NLRP11: variants seen among roughly 807,000 people sequenced by gnomAD.
The protein encoded by NLRP11 is NLR family pyrin domain containing 11.
NLRP11 carries 53 observed loss-of-function variants against 79.3 expected under a neutral mutation model. That is an observed-to-expected ratio of 0.67 (90% CI 0.54 to 0.84). NLRP11 has a LOEUF of 0.84. Ranked by LOEUF, NLRP11 falls within the 40% of genes least tolerant of loss-of-function variation. The pLI, the probability that NLRP11 is intolerant of heterozygous loss-of-function variation, is 0.00. For synonymous variants in NLRP11, 518 were observed against 462.6 expected (o/e 1.12, Z -1.54); for missense variants, 1,264 against 1,255.0 (o/e 1.01, Z -0.11).
chr19:55,799,360 C>T (rs1979252099), intron 5 of NLRP11, among the ~76,000 whole-genome samples: 1 of 152,144 alleles, frequency 6.6e-6, no homozygotes, highest in Non-Finnish European at 1.5e-5. Context: ...GTCTTCATCA[C>T]ATAGAGGCTA....
Position 55,796,066 on chromosome 19 carries a change from C to G in NLRP11, c.2342+14G>C. 6.2e-7 allele frequency: 1 copy of G among 1,602,538 alleles called. No homozygotes were observed. The highest frequency in any genetic ancestry group is 8.5e-7 in the Non-Finnish European group (1 of 1,170,424). On this transcript the variant is annotated intron_variant, in intron 6 of 9. Coordinates refer to ENST00000589093, the Ensembl canonical transcript of NLRP11. ...CTGAGCTTCTACGTGGTGAGCTCGTCTAAGCCAACTTACACCAGTGATATA... is the reference window on the plus strand; with the variant it reads ...CTGAGCTTCTACGTGGTGAGCTCGTGTAAGCCAACTTACACCAGTGATATA...
chr19:55,833,874 G>T (rs1568649538), upstream of NLRP11, among the ~76,000 whole-genome samples: 1 of 150,996 alleles, frequency 6.6e-6, no homozygotes, highest in Non-Finnish European at 1.5e-5. Context: ...CGAAAAGCTG[G>T]TTTATAACAG....
At chr19:55,797,323 G>A (rs10402767) in intron 5 of NLRP11, among the ~76,000 whole-genome samples, 35,838 of 151,884 alleles carry the variant, frequency 0.24, 4,288 homozygotes, top group East Asian at 0.31. Flanking sequence ...AAAATAAGTA[G>A]AATAAAAATA....
chr19:55,822,025 G>A (rs951802949), intron 1 of NLRP11, among the ~76,000 whole-genome samples: 4 of 152,206 alleles, frequency 2.6e-5, no homozygotes, highest in African/African-American at 7.2e-5. Flanking sequence ...TTGGGAGGCC[G>A]AGGTGGGTGG....
At position 55,817,893 on chromosome 19, in the gene NLRP11, A is replaced by G; in HGVS notation, c.271+11T>C. 2 of 1,593,322 alleles carry G rather than the reference A, an allele frequency of 1.3e-6. No individual in the cohort carries two copies. The highest frequency in any genetic ancestry group is 1.7e-6 in the Non-Finnish European group (2 of 1,166,490). On this transcript the variant is annotated intron_variant, in intron 2 of 9. Transcript: ENST00000589093. The stretch of plus-strand genomic sequence containing the variant: ...CTGATTTCTGCCCACCCTTCTCGTG[A>G]CCCCACTCACGGTTTCGTCTGCCAA...
intron 9 of NLRP11, among the ~76,000 whole-genome samples, chr19:55,786,205 C>T (rs1219180805): frequency 1.3e-5 from 2 of 152,208 alleles, no homozygotes; most frequent in African/African-American, 4.8e-5. Context: ...GGTTCCAATA[C>T]TGAGGGTCAA....
At chr19:55,827,729 C>A (rs911609460) in intron 1 of NLRP11, among the ~76,000 whole-genome samples, 8 of 151,674 alleles carry the variant, frequency 5.3e-5, no homozygotes, top group Non-Finnish European at 1.0e-4. Flanking sequence ...CCATCTCACA[C>A]CAGTTAGAAT....
rs759781629 is a variant in NLRP11 at position 55,809,035 on chromosome 19, C to T, written c.1575G>A (p.Ser525=). The change falls in exon 3 of 10, where the codon TCG becomes TCA. Residue 525 remains serine (S), a synonymous_variant. Coordinates refer to ENST00000589093, the Ensembl canonical transcript of NLRP11. This position sits in a 1 kb window ranked among gnomAD's most constrained non-coding sequence, Gnocchi z 4.5. ...GGTCCAAATGTTTCATGTATCCCAC[C>T]GAGTACCACTTGAAGCTGTCTACCA... The T allele has an allele frequency of 4.3e-6, 7 of 1,613,958 alleles. No individual in the cohort carries two copies. Among genetic ancestry groups the T allele is most frequent in the African/African-American group, 4.0e-5 (3 of 74,904 alleles).
rs1555803816 is a variant in NLRP11, at chr19:55,817,820, G to GGAAAAAAAAAAAA, written c.271+83_271+84insTTTTTTTTTTTTC. The GGAAAAAAAAAAAA allele has an allele frequency of 7.2e-6, 6 of 836,784 alleles. 2 individuals carry two copies. In the African/African-American group the frequency reaches 7.8e-5, roughly 11 times the overall value. The allele number at this position is 836,784 out of a possible 1,614,324, so 51.8% of individuals were successfully genotyped here. A position where few individuals can be genotyped will look rare whatever the true frequency, so the allele number is the denominator to read the frequency against. On this transcript the variant is annotated intron_variant, in intron 2 of 9. Coordinates refer to ENST00000589093, the Ensembl canonical transcript of NLRP11. ...CACCTGCTTCCCAGAAACCTATTTA[G>GGAAAAAAAAAAAA]AAAAAAAAAAAAAAAAAGGCCCAAC...
Position 55,818,121 on chromosome 19 carries a change from G to T in NLRP11, c.54C>A (p.Leu18=), listed in dbSNP as rs748428956. The T allele has an allele frequency of 1.9e-6, 3 of 1,613,866 alleles. No homozygotes were observed. In the Admixed American group the frequency reaches 5.0e-5, roughly 27 times the overall value. Reference sequence around the variant, plus strand: ...TAAAACTCTGAAATTCCTTGTCACTGAGATTCTCTAGATACCACAGCAGGT... The same window carrying T: ...TAAAACTCTGAAATTCCTTGTCACTTAGATTCTCTAGATACCACAGCAGGT... The change falls in exon 2 of 10, where the codon CTC becomes CTA. Residue 18 remains leucine (L), a synonymous_variant. Transcript: ENST00000589093.
intron 1 of NLRP11, among the ~76,000 whole-genome samples, chr19:55,820,518 A>G (rs1981588564): frequency 6.6e-6 from 1 of 152,102 alleles, no homozygotes; most frequent in African/African-American, 2.4e-5. Context: ...CTGAGGAGGA[A>G]AGGGGAAGCA....
chr19:55,785,497 A>T lies in NLRP11; in HGVS notation c.*128T>A, dbSNP rs1254169436. 3.8e-3 allele frequency: 398 copies of T among 103,650 alleles called. 2 individuals are homozygous for T. The highest frequency in any genetic ancestry group is 0.024 in the African/African-American group (361 of 14,808). The allele number at this position is 103,650 out of a possible 1,614,324, so 6.4% of individuals were successfully genotyped here. ...AAGTGGTTGACTGGATCAAGGTCAC[A>T]CACACACACACACACACACACACAC... On this transcript the variant is annotated 3_prime_UTR_variant, in exon 10 of 10. Coordinates refer to ENST00000589093, the Ensembl canonical transcript of NLRP11.
At chr19:55,798,077 G>T (rs1024320274) in intron 5 of NLRP11, among the ~76,000 whole-genome samples, 1 of 149,796 alleles carries the variant, frequency 6.7e-6, no homozygotes, top group African/African-American at 2.5e-5. Context: ...TCGGCTCACC[G>T]CAACCTCCGC....
At chr19:55,785,659 C>G in exon 10 of NLRP11, 1 of 1,614,052 alleles carries the variant, frequency 6.2e-7, no homozygotes, top group African/African-American at 1.3e-5. Flanking sequence ...ATTTGACGTT[C>G]TCATGGCTGC....
At chr19:55,786,419 G>C (rs1989882643) in intron 9 of NLRP11, among the ~76,000 whole-genome samples, 1 of 152,070 alleles carries the variant, frequency 6.6e-6, no homozygotes, top group Admixed American at 6.6e-5. Context: ...CAGCTATTTG[G>C]GAGGCTGAGG....
chr19:55,799,700 G>A (rs1979284791), intron 5 of NLRP11, among the ~76,000 whole-genome samples: 1 of 152,102 alleles, frequency 6.6e-6, no homozygotes, highest in Non-Finnish European at 1.5e-5. Context: ...TTTGAACTAT[G>A]TCAGAAAGAA....
chr19:55,798,006 T>A (rs945766200), intron 5 of NLRP11, among the ~76,000 whole-genome samples: 9 of 151,352 alleles, frequency 5.9e-5, no homozygotes, highest in African/African-American at 2.2e-4. Flanking sequence ...ATTATTTTTT[T>A]TTTTTTTGAG....
chr19:55,809,042 C>G lies in NLRP11; in HGVS notation c.1568G>C (p.Trp523Ser), dbSNP rs1188572798. Residue 523 changes from tryptophan (W) to serine (S), a missense_variant, in exon 3 of 10, where the codon TGG becomes TCG. By Grantham distance (177) the Trp-to-Ser change is radical. Transcript: ENST00000589093. This position sits in a 1 kb window ranked among gnomAD's most constrained non-coding sequence, Gnocchi z 4.5. ...ATGTTTCATGTATCCCACCGAGTAC[C>G]ACTTGAAGCTGTCTACCATCGGTAG... The G allele has an allele frequency of 6.2e-7, 1 of 1,614,052 alleles. No individual in the cohort carries two copies. The highest frequency in any genetic ancestry group is 1.3e-5 in the African/African-American group (1 of 75,028).
intron 7 of NLRP11, among the ~76,000 whole-genome samples, chr19:55,791,453 GA>G (rs1389478717): frequency 3.3e-5 from 5 of 152,122 alleles, no homozygotes; most frequent in Non-Finnish European, 5.9e-5. Flanking sequence ...CTACAAGACA[GA>G]AATAAAGATA....
Sources: allele counts gnomAD v4.1 joint callset (sites outside exome capture counted in the v4.1 genomes callset), GRCh38; gene constraint gnomAD v4.1.1; non-coding constraint Gnocchi (gnomAD v3.1); transcripts MANE v1.5; gene names NCBI Gene and HGNC (gene_info 2026-07-23, HGNC 2026-07-21).